Variants in SRGAP1 observed in about 807,000 individuals in gnomAD.
SRGAP1 encodes the protein SLIT-ROBO Rho GTPase activating protein 1, also known as SLIT-ROBO Rho GTPase-activating protein 1.
SRGAP1 carries 43 observed loss-of-function variants against 121.9 expected under a neutral mutation model. That is an observed-to-expected ratio of 0.35 (90% CI 0.28 to 0.46). The LOEUF (loss-of-function observed/expected upper bound fraction) is 0.46. Among genes scored for constraint, SRGAP1 ranks in the 20% least tolerant of loss-of-function variants. The probability of loss-of-function intolerance (pLI) is 1.00; values close to 1 mark genes in which losing one functional copy is unlikely to be tolerated. For synonymous variants in SRGAP1, 447 were observed against 485.4 expected, an observed-to-expected ratio of 0.92 and a Z score of 1.04; for missense variants, 1,102 against 1,350.9, an observed-to-expected ratio of 0.82 and a Z score of 2.89.
chr12:64,011,606 A>G (rs1365640566), intron 3 of SRGAP1, among the ~76,000 whole-genome samples: 3 of 152,190 alleles, frequency 2.0e-5, no homozygotes, highest in Non-Finnish European at 1.5e-5. Context: ...GAAATTGAAT[A>G]AAGAAATAAA....
At chr12:64,056,716 C>T (rs2035350627) in intron 6 of SRGAP1, among the ~76,000 whole-genome samples, 1 of 152,254 alleles carries the variant, frequency 6.6e-6, no homozygotes, top group African/African-American at 2.4e-5. Context: ...TCATCTCTTG[C>T]AACTTTTCCC....
At chr12:64,079,981 G>A (rs1042441022) in intron 9 of SRGAP1, among the ~76,000 whole-genome samples, 3 of 152,052 alleles carry the variant, frequency 2.0e-5, no homozygotes, top group African/African-American at 4.8e-5. Context: ...AGTGGCTCAC[G>A]CCTGTAATCC....
chr12:64,060,582 A>G (rs2035433154), intron 6 of SRGAP1, among the ~76,000 whole-genome samples: 1 of 152,162 alleles, frequency 6.6e-6, no homozygotes, highest in African/African-American at 2.4e-5. Flanking sequence ...AAATAGCAAG[A>G]TTTTAGAATA....
Position 64,147,711 on chromosome 12 carries a change from G to T in SRGAP1, c.*5039G>T. On this transcript the variant is annotated 3_prime_UTR_variant, in exon 22 of 22. Transcript: ENST00000355086. ...AAGAAAAAAAATGTTTTGTTAATCT[G>T]TTGTGACAATGCACTTTTATGTATA... The T allele has an allele frequency of 2.5e-6, 1 of 398,598 alleles. No homozygotes were observed. Among genetic ancestry groups the T allele is most frequent in the Non-Finnish European group, 4.4e-6 (1 of 226,076 alleles). The allele number at this position is 398,598 out of a possible 1,614,324, so 24.7% of individuals were successfully genotyped here.
At position 64,160,691 on chromosome 12, in the gene SRGAP1, A is replaced by T. The variant is rs1457280923; in HGVS notation, c.*18019A>T. 1 of 152,180 alleles carries T rather than the reference A, an allele frequency of 6.6e-6. No individual in the cohort carries two copies. Among genetic ancestry groups the T allele is most frequent in the African/African-American group, 2.4e-5 (1 of 41,450 alleles). The allele number at this position is 152,180 out of a possible 1,614,324, so 9.4% of individuals were successfully genotyped here. On this transcript the variant is annotated 3_prime_UTR_variant, in exon 22 of 22. Coordinates refer to ENST00000355086, the MANE Select transcript of SRGAP1 (RefSeq NM_020762.4). ...CCTGGGGCCGATAACTTCAAGCTAAACATTCAATATCAGTATGGTAGGTGA... is the reference window on the plus strand; with the variant it reads ...CCTGGGGCCGATAACTTCAAGCTAATCATTCAATATCAGTATGGTAGGTGA...
intron 4 of SRGAP1, among the ~76,000 whole-genome samples, chr12:64,039,393 C>T (rs1184195675): frequency 2.6e-5 from 4 of 152,172 alleles, no homozygotes; most frequent in Non-Finnish European, 5.9e-5. Flanking sequence ...TGGCAGTCAG[C>T]GCAGTATCCT....
intron 4 of SRGAP1, among the ~76,000 whole-genome samples, chr12:64,024,685 A>G (rs2034616348): frequency 6.6e-6 from 1 of 152,128 alleles, no homozygotes; most frequent in African/African-American, 2.4e-5. Flanking sequence ...GAGACTGGGT[A>G]ATTTATAAAG....
rs115608584 is a variant in SRGAP1, at chr12:64,037,093, G to A, written c.490-5697G>A. 3.7e-3 allele frequency among the ~76,000 whole-genome samples: 571 copies of A among 152,336 alleles called. 5 individuals carry two copies. The highest frequency in any genetic ancestry group is 0.012 in the African/African-American group (519 of 41,582). On this transcript the variant is annotated intron_variant, in intron 4 of 21. Coordinates refer to ENST00000355086, the MANE Select transcript of SRGAP1 (RefSeq NM_020762.4). ...GAAGCCAGGGAACACTTAGCCATAGGTGAGATTTAAGCTTGCCATGGAGAA... is the reference window on the plus strand; with the variant it reads ...GAAGCCAGGGAACACTTAGCCATAGATGAGATTTAAGCTTGCCATGGAGAA...
At chr12:63,868,737 A>G (rs1288145615) in intron 1 of SRGAP1, among the ~76,000 whole-genome samples, 1 of 152,116 alleles carries the variant, frequency 6.6e-6, no homozygotes, top group African/African-American at 2.4e-5. Flanking sequence ...TAAGGAGACC[A>G]CTCTCATCAT....
intron 1 of SRGAP1, among the ~76,000 whole-genome samples, chr12:63,860,339 T>C (rs1899401757): frequency 1.3e-5 from 2 of 152,166 alleles, no homozygotes; most frequent in South Asian, 2.1e-4. Context: ...AACAGATACA[T>C]AAGACTATTT....
chr12:63,969,598 C>T (rs2136390219), intron 1 of SRGAP1, among the ~76,000 whole-genome samples: 1 of 152,136 alleles, frequency 6.6e-6, no homozygotes, highest in South Asian at 2.1e-4. Context: ...TTGAGACCAT[C>T]CTGGCTAACA....
chr12:64,155,987 C>A lies in SRGAP1; in HGVS notation c.*13315C>A, dbSNP rs556998703. Reference sequence around the variant, plus strand: ...ACTGTGCTAACTGCTTTCATATTATCGGATTTAGTCCTGTAAGACCGGAAT... The same window carrying A: ...ACTGTGCTAACTGCTTTCATATTATAGGATTTAGTCCTGTAAGACCGGAAT... On this transcript the variant is annotated 3_prime_UTR_variant, in exon 22 of 22. Transcript: ENST00000355086. The A allele has an allele frequency of 6.6e-6, 1 of 152,130 alleles. No homozygotes were observed. The highest frequency in any genetic ancestry group is 2.4e-5 in the African/African-American group (1 of 41,402). 9.4% of individuals were successfully genotyped at this position (152,130 alleles called of 1,614,324 possible).
In SRGAP1 at chr12:64,032,374, T is replaced by G. The variant is rs2034800050; in HGVS notation, c.490-10416T>G. 34 of 457,820 alleles carry G rather than the reference T, an allele frequency of 7.4e-5. 1 individual carries two copies. In the South Asian group the frequency reaches 8.1e-4, roughly 11 times the overall value. 28.4% of individuals were successfully genotyped at this position (457,820 alleles called of 1,614,324 possible). On this transcript the variant is annotated intron_variant, in intron 4 of 21. Coordinates refer to ENST00000355086, the MANE Select transcript of SRGAP1 (RefSeq NM_020762.4). Reference sequence around the variant, plus strand: ...CTGTGTCAATGGTAGTATGAGATACTTTCATTTTTTTACAAATAGTTAAAA... The same window carrying G: ...CTGTGTCAATGGTAGTATGAGATACGTTCATTTTTTTACAAATAGTTAAAA...
intron 1 of SRGAP1, among the ~76,000 whole-genome samples, chr12:63,905,543 C>T (rs2030160411): frequency 6.6e-6 from 1 of 152,218 alleles, no homozygotes; most frequent in Admixed American, 6.5e-5. Flanking sequence ...CTTCTTTGGT[C>T]TTGATTTATA....
At chr12:64,114,552 T>C (rs1166323681) in intron 17 of SRGAP1, among the ~76,000 whole-genome samples, 1 of 152,130 alleles carries the variant, frequency 6.6e-6, no homozygotes, top group East Asian at 1.9e-4. Flanking sequence ...GGTTTCACCA[T>C]GTTGGCCAGG....
chr12:63,944,773 A>G (rs1300143122), intron 1 of SRGAP1, among the ~76,000 whole-genome samples: 1 of 152,176 alleles, frequency 6.6e-6, no homozygotes, highest in Non-Finnish European at 1.5e-5. Flanking sequence ...TCACTCCCAT[A>G]AAAGCTCCCT....
chr12:63,897,576 C>T (rs542501429), intron 1 of SRGAP1, among the ~76,000 whole-genome samples: 9 of 152,296 alleles, frequency 5.9e-5, no homozygotes, highest in Non-Finnish European at 7.3e-5. Context: ...GCCGTAACTC[C>T]GACATGCTCT....
chr12:63,894,191 G>A (rs1236693992), intron 1 of SRGAP1, among the ~76,000 whole-genome samples: 1 of 152,148 alleles, frequency 6.6e-6, no homozygotes, highest in Non-Finnish European at 1.5e-5. Flanking sequence ...TGTGTTCAAG[G>A]CACTCTGCTA....
intron 1 of SRGAP1, among the ~76,000 whole-genome samples, chr12:63,976,675 A>G (rs866228729): frequency 6.6e-6 from 1 of 152,358 alleles, no homozygotes; most frequent in Middle Eastern, 3.4e-3. Flanking sequence ...TACAGATTGC[A>G]GCATGCTTTT....
Sources: gnomAD v4.1 joint callset for allele counts (sites outside exome capture counted in the v4.1 genomes callset) on GRCh38, gnomAD v4.1.1 for gene constraint, MANE v1.5 for transcripts, NCBI Gene and HGNC (gene_info 2026-07-23, HGNC 2026-07-21) for gene names.